ADGRV1: variants seen among roughly 807,000 people sequenced by gnomAD.
ADGRV1 encodes the protein G-protein coupled receptor 98.
ADGRV1 carries 359 observed loss-of-function variants against 596.2 expected under a neutral mutation model. That is an observed-to-expected ratio of 0.60 (90% CI 0.55 to 0.66). The LOEUF is 0.66. ADGRV1 is among the 30% of genes least tolerant of loss of function. The probability of loss-of-function intolerance (pLI) is 0.00; values close to 1 mark genes in which losing one functional copy is unlikely to be tolerated. For synonymous variants in ADGRV1, 2,681 were observed against 2,679.2 expected (o/e 1.00, Z -0.02); for missense variants, 7,274 against 7,575.6 (o/e 0.96, Z 1.48).
intron 8 of ADGRV1, 113 bp from the exon 9 acceptor site, chr5:90,629,097 T>C: frequency 1.6e-6 from 1 of 637,528 alleles, no homozygotes; most frequent in Non-Finnish European, 2.4e-6. Context: ...AGTCATCATT[T>C]TTAGACATAA....
At chr5:90,828,452 T>C (rs1354064376) in intron 76 of ADGRV1, among the ~76,000 whole-genome samples, 1 of 152,070 alleles carries the variant, frequency 6.6e-6, no homozygotes, top group Non-Finnish European at 1.5e-5. Flanking sequence ...AAAAGAAAAC[T>C]TTACATAAAT....
chr5:90,896,255 C>A (rs1006918424), intron 83 of ADGRV1, among the ~76,000 whole-genome samples: 1 of 140,528 alleles, frequency 7.1e-6, no homozygotes, highest in African/African-American at 2.6e-5. Flanking sequence ...TCTGATATTA[C>A]GGTGACCAGT....
At chr5:90,954,356 C>T (rs1022120794) in intron 83 of ADGRV1, among the ~76,000 whole-genome samples, 1 of 151,924 alleles carries the variant, frequency 6.6e-6, no homozygotes, top group Non-Finnish European at 1.5e-5. Flanking sequence ...TACTAATTCA[C>T]TTTTTTAAAT....
chr5:91,157,163 C>T (rs1487128197), intron 89 of ADGRV1, among the ~76,000 whole-genome samples: 2 of 152,200 alleles, frequency 1.3e-5, no homozygotes, highest in Non-Finnish European at 2.9e-5. Context: ...TCAGGTCCAC[C>T]TTCACTATGG....
chr5:90,861,004 CAT>C (rs1425933703), intron 82 of ADGRV1, among the ~76,000 whole-genome samples: 1 of 151,956 alleles, frequency 6.6e-6, no homozygotes, highest in East Asian at 1.9e-4. Flanking sequence ...ACAAACATTT[CAT>C]ATGTTTATAT....
At chr5:90,795,134 T>A (rs889830901) in intron 70 of ADGRV1, among the ~76,000 whole-genome samples, 5 of 139,454 alleles carry the variant, frequency 3.6e-5, no homozygotes, top group African/African-American at 5.3e-5. Flanking sequence ...GTGCCTGGAA[T>A]GCCAGCGAGA....
chr5:90,976,298 ATGTG>A (rs752233519), intron 84 of ADGRV1, among the ~76,000 whole-genome samples: 10,981 of 118,638 alleles, frequency 0.093, 534 homozygotes, highest in Middle Eastern at 0.14. Flanking sequence ...GTGTGTGTAT[ATGTG>A]TGTGTGTGTG....
chr5:90,636,513 A>C (rs2149405977), intron 10 of ADGRV1, among the ~76,000 whole-genome samples: 1 of 152,302 alleles, frequency 6.6e-6, no homozygotes, highest in East Asian at 1.9e-4. Context: ...GATTGCTTTT[A>C]TCTTAGATAG....
chr5:90,636,388 C>A (rs1273759375), intron 10 of ADGRV1, among the ~76,000 whole-genome samples: 2 of 152,160 alleles, frequency 1.3e-5, no homozygotes, highest in Non-Finnish European at 2.9e-5. Flanking sequence ...ATATTAGCTT[C>A]TATAAATGGA....
rs5869513 is a variant in ADGRV1 at position 90,662,187 on chromosome 5, CT to C, written c.4752+3929del. On this transcript the variant is annotated intron_variant, in intron 21 of 89. Transcript: ENST00000405460. Reference sequence around the variant, plus strand: ...TGTTTAATCATTTTTGGTTAAACAACTTTTTTTTTTTTTTTTTTTTGAGACG... The same window carrying C: ...TGTTTAATCATTTTTGGTTAAACAACTTTTTTTTTTTTTTTTTTTGAGACG... Among the ~76,000 whole-genome samples, 567 of 130,798 alleles carry C rather than the reference CT, an allele frequency of 4.3e-3. 2 individuals carry two copies. Among genetic ancestry groups the C allele is most frequent in the African/African-American group, 0.012 (403 of 34,236 alleles). 85.8% of individuals were successfully genotyped at this position (130,798 alleles called of 152,430 possible). A position where few individuals can be genotyped will look rare whatever the true frequency, so the allele number is the denominator to read the frequency against.
At chr5:91,027,146 C>CACAT (rs1413351460) in intron 85 of ADGRV1, among the ~76,000 whole-genome samples, 4 of 117,060 alleles carry the variant, frequency 3.4e-5, no homozygotes, top group Non-Finnish European at 7.1e-5. Flanking sequence ...AGTCTCAAAA[C>CACAT]ACACACACAC....
chr5:90,962,233 T>C (rs1467184625), intron 83 of ADGRV1, among the ~76,000 whole-genome samples: 1 of 152,262 alleles, frequency 6.6e-6, no homozygotes, highest in Non-Finnish European at 1.5e-5. Flanking sequence ...GGAAAACATG[T>C]AGCGCCATGC....
At chr5:90,866,319 G>GTGTGTGTATA (rs935278809) in intron 83 of ADGRV1, among the ~76,000 whole-genome samples, 3 of 148,886 alleles carry the variant, frequency 2.0e-5, no homozygotes, top group African/African-American at 7.4e-5. Context: ...GTGTATATGT[G>GTGTGTGTATA]TGTGTGTGTG....
At chr5:90,976,086 C>T (rs929020366) in intron 84 of ADGRV1, among the ~76,000 whole-genome samples, 4 of 151,512 alleles carry the variant, frequency 2.6e-5, no homozygotes, top group Non-Finnish European at 5.9e-5. Flanking sequence ...ATTCTTTGCT[C>T]TACCCTCAAT....
chr5:90,976,685 T>C (rs1373503350), intron 84 of ADGRV1, among the ~76,000 whole-genome samples: 4 of 152,074 alleles, frequency 2.6e-5, no homozygotes, highest in African/African-American at 7.2e-5. Context: ...TCATATATGA[T>C]ATAGGTAAGC....
chr5:90,643,353 A>C (rs1268517769), intron 13 of ADGRV1, among the ~76,000 whole-genome samples: 2 of 151,676 alleles, frequency 1.3e-5, no homozygotes, highest in African/African-American at 4.9e-5. Context: ...GTATTGACTG[A>C]ACTTTTAATG....
chr5:90,692,781 G>T lies in ADGRV1; in HGVS notation c.7128G>T (p.Arg2376Ser). ...GTTCCTGTGCTAATATAACTGTCAG[G>T]CGAAGGTATATGAGATAGCTACTTG... ...ERSSCANITV[R>S]RSGGHFGRLL... The change falls in exon 32 of 90, where the codon AGG becomes AGT. Residue 2376 changes from arginine to serine, a missense_variant. By Grantham distance (110) the Arg-to-Ser change is moderately radical. Around this residue, in one of 5 missense-constraint regions of ADGRV1, gnomAD observed 3,643 missense variants for 3,809.2 expected, o/e 0.96. Coordinates refer to ENST00000405460, the MANE Select transcript of ADGRV1 (RefSeq NM_032119.4). 6.3e-7 allele frequency: 1 copy of T among 1,591,914 alleles called. No homozygotes were observed. The highest frequency in any genetic ancestry group is 8.6e-7 in the Non-Finnish European group (1 of 1,169,158).
At chr5:91,162,451 C>G (rs1391589894) in intron 89 of ADGRV1, among the ~76,000 whole-genome samples, 1 of 152,044 alleles carries the variant, frequency 6.6e-6, no homozygotes, top group Non-Finnish European at 1.5e-5. Context: ...ACCTGCTGCT[C>G]CGTGTCCTGA....
At chr5:90,799,376 T>G (rs1468574576) in intron 70 of ADGRV1, among the ~76,000 whole-genome samples, 1 of 152,166 alleles carries the variant, frequency 6.6e-6, no homozygotes, top group East Asian at 1.9e-4. Context: ...ACAAGGGATG[T>G]GAAGGACCTT....
Sources: gnomAD v4.1 joint callset for allele counts (sites outside exome capture counted in the v4.1 genomes callset) on GRCh38, gnomAD v4.1.1 for gene constraint, gnomAD v4.1.1 regional missense constraint, MANE v1.5 for transcripts, NCBI Gene and HGNC (gene_info 2026-07-23, HGNC 2026-07-21) for gene names.